PLAAT1: variants seen among roughly 807,000 people sequenced by gnomAD.
PLAAT1 encodes phospholipase A and acyltransferase 1.
In PLAAT1, 13 loss-of-function variants were observed where a neutral mutation model predicts 16.4. The observed-to-expected ratio is 0.79, with a 90% CI of 0.52 to 1.26. The LOEUF is 1.26. Ranked by LOEUF, PLAAT1 falls within the 50% of genes most tolerant of loss-of-function variation. The pLI is 0.00. For synonymous variants in PLAAT1, 73 were observed against 78.4 expected (o/e 0.93, Z 0.36); for missense variants, 218 against 207.8 (o/e 1.05, Z -0.30).
downstream of PLAAT1, among the ~76,000 whole-genome samples, chr3:193,273,399 A>G (rs1333915619): frequency 1.3e-5 from 2 of 152,240 alleles, no homozygotes; most frequent in Admixed American, 6.5e-5. Context: ...AACAAAATGT[A>G]AACACAGAGG....
intron 3 of PLAAT1, among the ~76,000 whole-genome samples, chr3:193,265,243 A>C (rs1477509117): frequency 1.3e-5 from 2 of 152,230 alleles, no homozygotes; most frequent in African/African-American, 4.8e-5. Context: ...TCAAATATCC[A>C]TCTAATGGGC....
chr3:193,254,135 G>A (rs746584245), intron 1 of PLAAT1, among the ~76,000 whole-genome samples: 1 of 152,134 alleles, frequency 6.6e-6, no homozygotes, highest in Non-Finnish European at 1.5e-5. Flanking sequence ...AGACTTAATC[G>A]TTTTCATAAA....
At chr3:193,241,063 C>T, upstream of PLAAT1, 2 of 506,672 alleles carry the variant, frequency 3.9e-6, no homozygotes, top group Non-Finnish European at 5.9e-6. Context: ...GGAGCGCGTG[C>T]GTTGCGTGCG....
intron 2 of PLAAT1, among the ~76,000 whole-genome samples, chr3:193,276,121 T>A (rs189409797): frequency 6.6e-6 from 1 of 152,276 alleles, no homozygotes; most frequent in South Asian, 2.1e-4. Flanking sequence ...TTTAAACATA[T>A]ATAATGAGGT....
Position 193,247,347 on chromosome 3 carries a change from A to G in PLAAT1, c.-1+5814A>G, listed in dbSNP as rs74474580. Among the ~76,000 whole-genome samples, 1,316 of 152,304 alleles carry G rather than the reference A, an allele frequency of 8.6e-3. 21 individuals carry two copies. Among genetic ancestry groups the G allele is most frequent in the African/African-American group, 0.03 (1,260 of 41,564 alleles). On this transcript the variant is annotated intron_variant, in intron 1 of 3. Transcript: ENST00000264735. Reference sequence around the variant, plus strand: ...CATGCCCACAGCACACTAAGGGCCCACATGCACACTGGAGGAATATGTGGA... The same window carrying G: ...CATGCCCACAGCACACTAAGGGCCCGCATGCACACTGGAGGAATATGTGGA...
downstream of PLAAT1, chr3:193,274,937 G>T: frequency 6.9e-7 from 1 of 1,459,738 alleles, no homozygotes; most frequent in South Asian, 1.3e-5. Context: ...TTGAATGCTT[G>T]AATGGAGAGA....
chr3:193,250,863 T>G (rs1021351304), intron 1 of PLAAT1, among the ~76,000 whole-genome samples: 1 of 136,388 alleles, frequency 7.3e-6, no homozygotes, highest in Admixed American at 7.4e-5. Flanking sequence ...CTTTTTCCAA[T>G]TGGAGATTAA....
chr3:193,241,035 G>A (rs1446397380), upstream of PLAAT1: 1 of 423,636 alleles, frequency 2.4e-6, no homozygotes, highest in Admixed American at 4.7e-5. Flanking sequence ...GTTGCGCGGC[G>A]CTTTGACCGT....
downstream of PLAAT1, chr3:193,279,503 A>C: frequency 6.7e-7 from 1 of 1,503,738 alleles, no homozygotes; most frequent in Non-Finnish European, 9.2e-7. Flanking sequence ...AATGTTTCAT[A>C]TAATTTGGCA....
intron 2 of PLAAT1, among the ~76,000 whole-genome samples, chr3:193,260,037 C>T (rs1341820544): frequency 6.6e-6 from 1 of 151,930 alleles, no homozygotes; most frequent in East Asian, 1.9e-4. Flanking sequence ...AATAGAGAAC[C>T]CAGAAATAAA....
chr3:193,243,762 A>G (rs1401470538), intron 1 of PLAAT1, among the ~76,000 whole-genome samples: 1 of 152,182 alleles, frequency 6.6e-6, no homozygotes, highest in Non-Finnish European at 1.5e-5. Flanking sequence ...CCTCATCTGT[A>G]AAATGGTCAC....
chr3:193,270,825 CTT>C lies in PLAAT1; in HGVS notation c.*122_*123del. The C allele has an allele frequency of 1.4e-6, 2 of 1,388,558 alleles. No homozygotes were observed. Among genetic ancestry groups the C allele is most frequent in the African/African-American group, 2.9e-5 (2 of 69,210 alleles). The allele number at this position is 1,388,558 out of a possible 1,614,324, so 86.0% of individuals were successfully genotyped here. A position where few individuals can be genotyped will look rare whatever the true frequency, so the allele number is the denominator to read the frequency against. On this transcript the variant is annotated 3_prime_UTR_variant, in exon 4 of 4. Coordinates refer to ENST00000264735, the MANE Select transcript of PLAAT1 (RefSeq NM_020386.5). ...AGATTCCTATGATGGATGGCAGACT[CTT>C]TAATAAATTGCTTACTGATATTATC...
chr3:193,241,974 G>C (rs952607144), intron 1 of PLAAT1, among the ~76,000 whole-genome samples: 5 of 152,120 alleles, frequency 3.3e-5, no homozygotes, highest in African/African-American at 1.2e-4. Context: ...TTACTTGTGC[G>C]AGGCACTCTC....
chr3:193,271,256 G>A (rs1223534137), downstream of PLAAT1, among the ~76,000 whole-genome samples: 1 of 138,060 alleles, frequency 7.2e-6, no homozygotes, highest in African/African-American at 2.7e-5. Flanking sequence ...AAGAGGAGAG[G>A]CTGTTTGCTC....
chr3:193,257,673 C>T (rs1716429476), intron 2 of PLAAT1, among the ~76,000 whole-genome samples: 1 of 152,090 alleles, frequency 6.6e-6, no homozygotes, highest in Non-Finnish European at 1.5e-5. Flanking sequence ...AAGTATTGTT[C>T]CTGGGTGTGT....
chr3:193,243,846 A>G (rs1277702609), intron 1 of PLAAT1, among the ~76,000 whole-genome samples: 1 of 152,210 alleles, frequency 6.6e-6, no homozygotes. Flanking sequence ...TTTTATAGCC[A>G]CACCTACTTC....
downstream of PLAAT1, among the ~76,000 whole-genome samples, chr3:193,278,705 CCTT>C (rs904449827): frequency 2.1e-4 from 32 of 152,236 alleles, no homozygotes; most frequent in African/African-American, 1.4e-4. Context: ...AGTGGGGCCT[CCTT>C]CTTCTATGTT....
chr3:193,252,891 A>G (rs1031694675), intron 1 of PLAAT1, among the ~76,000 whole-genome samples: 3 of 152,084 alleles, frequency 2.0e-5, no homozygotes, highest in Non-Finnish European at 2.9e-5. Flanking sequence ...TTGGACTAGG[A>G]CTAGATGGGT....
intron 2 of PLAAT1, among the ~76,000 whole-genome samples, chr3:193,260,696 A>G (rs1017198902): frequency 3.3e-5 from 5 of 151,736 alleles, no homozygotes; most frequent in Non-Finnish European, 7.4e-5. Flanking sequence ...AAAAAAAAAA[A>G]CAGATGCTGG....
Sources: gnomAD v4.1 joint callset for allele counts (sites outside exome capture counted in the v4.1 genomes callset) on GRCh38, gnomAD v4.1.1 for gene constraint, MANE v1.5 for transcripts, NCBI Gene and HGNC (gene_info 2026-07-23, HGNC 2026-07-21) for gene names.